Variants in GPR108 observed in about 807,000 individuals in gnomAD.
The protein encoded by GPR108 is protein GPR108.
A neutral mutation model predicts 74.3 loss-of-function variants in GPR108; 60 were observed. The ratio of observed to expected loss-of-function variants is 0.81; its 90% confidence interval spans 0.66 to 1.00. The LOEUF (loss-of-function observed/expected upper bound fraction) is 1.00. GPR108 is among the 50% of genes least tolerant of loss of function. GPR108 has a pLI of 0.00. For synonymous variants in GPR108, 311 were observed against 292.4 expected, an observed-to-expected ratio of 1.06 and a Z score of -0.65; for missense variants, 667 against 703.3, an observed-to-expected ratio of 0.95 and a Z score of 0.58.
chr19:6,734,895 T>C (rs1369255963), intron 4 of GPR108, among the ~76,000 whole-genome samples: 1 of 140,940 alleles, frequency 7.1e-6, no homozygotes, highest in East Asian at 2.1e-4. Context: ...ATTATTATTA[T>C]TTTGAGACAG....
chr19:6,735,359 C>T (rs983070283), intron 4 of GPR108: 9 of 413,162 alleles, frequency 2.2e-5, no homozygotes, highest in Middle Eastern at 6.5e-4. Flanking sequence ...TCCGGGACAC[C>T]GGAAGCACTC....
intron 1 of GPR108, chr19:6,737,133 C>A: frequency 2.5e-6 from 1 of 402,596 alleles, no homozygotes; most frequent in Non-Finnish European, 4.5e-6. Context: ...CTGTGCGGCT[C>A]CAGGGTCTCT....
rs750699748 is a variant in GPR108 at position 6,734,297 on chromosome 19, G to C, written c.385C>G (p.Arg129Gly). The stretch of plus-strand genomic sequence containing the variant: ...AACGTCTTCTGCTCTCCATACTTCC[G>C]CACCTGGACCCTGGGGTGAGGGTGG... ...INTKDLQVQV[R>G]KYGEQKTLFI... Residue 129 changes from arginine (R) to glycine (G), a missense_variant, in exon 5 of 18, where the codon CGG becomes GGG. Coordinates refer to ENST00000264080, the MANE Select transcript of GPR108 (RefSeq NM_001080452.2). 11 of 1,613,130 alleles carry C rather than the reference G, an allele frequency of 6.8e-6. No homozygotes were observed. The highest frequency in any genetic ancestry group is 9.3e-6 in the Non-Finnish European group (11 of 1,179,794).
chr19:6,733,663 C>G lies in GPR108; in HGVS notation c.630G>C (p.Val210=), dbSNP rs1243764318. The change falls in exon 8 of 18, where the codon GTG becomes GTC. Residue 210 remains valine (V), a synonymous_variant. Transcript: ENST00000264080. Reference sequence around the variant, plus strand: ...GGCCTTCTTCCGCCTGAGAGCCGATCACCACGTGGAACTGGGCGGGCGGGG... The same window carrying G: ...GGCCTTCTTCCGCCTGAGAGCCGATGACCACGTGGAACTGGGCGGGCGGGG... ...NNSYNFSFHV[V]IGSQAEEGQY... The G allele has an allele frequency of 1.2e-6, 2 of 1,613,974 alleles. No individual in the cohort carries two copies. Among genetic ancestry groups the G allele is most frequent in the Non-Finnish European group, 1.7e-6 (2 of 1,179,976 alleles).
At position 6,736,691 on chromosome 19, in the gene GPR108, G is replaced by A. The variant is rs373132867; in HGVS notation, c.141C>T (p.Ile47=). ...LALTGEKRAD[I]QLNSFGFYTN... ...TGTAGAAACCGAAGCTGTTCAGCTGGATGTCCGCTCGCTTCTCCCCCTGCC... is the reference window on the plus strand; with the variant it reads ...TGTAGAAACCGAAGCTGTTCAGCTGAATGTCCGCTCGCTTCTCCCCCTGCC... Residue 47 remains isoleucine (I), a synonymous_variant, in exon 2 of 18, where the codon ATC becomes ATT. Coordinates refer to ENST00000264080, the MANE Select transcript of GPR108 (RefSeq NM_001080452.2). 2.5e-6 allele frequency: 4 copies of A among 1,614,070 alleles called. No individual in the cohort carries two copies. The highest frequency in any genetic ancestry group is 3.4e-6 in the Non-Finnish European group (4 of 1,180,004).
At chr19:6,737,324 C>T (rs1418628133) in intron 1 of GPR108, 133 bp downstream of exon 1, 8 of 1,209,284 alleles carry the variant, frequency 6.6e-6, no homozygotes, top group Non-Finnish European at 8.8e-6. Flanking sequence ...ACTCCGGGCC[C>T]GGAAACGGGG....
At position 6,733,239 on chromosome 19, in the gene GPR108, CT is replaced by C; in HGVS notation, c.785del (p.Lys262SerfsTer76). The C allele has an allele frequency of 6.2e-7, 1 of 1,613,984 alleles. No individual in the cohort carries two copies. The highest frequency in any genetic ancestry group is 8.5e-7 in the Non-Finnish European group (1 of 1,180,020). ...AGCAGGCGGACATGACCATGTAGAG[CT>C]TGAAAAGGGGCATCTCCGCTGCCGA... is the stretch of plus-strand genomic sequence containing the variant. Reference protein sequence around the residue: ...FLSAAEMPLFKLYMVMSACFL... With the variant: ...FLSAAEMPLFXLYMVMSACFL... On this transcript the variant is annotated frameshift_variant, in exon 9 of 18. Transcript: ENST00000264080. LOFTEE classifies it high-confidence loss of function.
intron 1 of GPR108, chr19:6,737,065 C>G (rs187223810): frequency 1.0e-5 from 4 of 383,468 alleles, no homozygotes; most frequent in Admixed American, 4.1e-5. Context: ...TTCAACAGAA[C>G]CCCCCAAATC....
In GPR108 at chr19:6,730,164, A is replaced by G. The variant is rs1265264820; in HGVS notation, c.*148T>C. On this transcript the variant is annotated 3_prime_UTR_variant, in exon 18 of 18. Transcript: ENST00000264080. ...GGGGGAGGAAGGGACTCTTCTTCCAAATGGGCTTGTCCGGGAACCGGGGTC... is the reference window on the plus strand; with the variant it reads ...GGGGGAGGAAGGGACTCTTCTTCCAGATGGGCTTGTCCGGGAACCGGGGTC... The G allele has an allele frequency of 1.4e-6, 1 of 722,366 alleles. No individual in the cohort carries two copies. Among genetic ancestry groups the G allele is most frequent in the Admixed American group, 2.3e-5 (1 of 43,050 alleles). 44.7% of individuals were successfully genotyped at this position (722,366 alleles called of 1,614,324 possible). A position where few individuals can be genotyped will look rare whatever the true frequency, so the allele number is the denominator to read the frequency against.
chr19:6,733,570 C>T lies in GPR108; in HGVS notation c.723G>A (p.Thr241=), dbSNP rs199564830. 13 of 1,613,770 alleles carry T rather than the reference C, an allele frequency of 8.1e-6. No individual in the cohort carries two copies. The highest frequency in any genetic ancestry group is 4.0e-5 in the African/African-American group (3 of 75,068). The change falls in exon 8 of 18, where the codon ACG becomes ACA. Residue 241 remains threonine (T), a splice_region_variant and synonymous_variant. Coordinates refer to ENST00000264080, the MANE Select transcript of GPR108 (RefSeq NM_001080452.2). ...CCCTGCTGCCCTCCACTCCGCTCAC[C>T]GTGATGTCGAATGGATGCTCCTTTC... ...VPGKEHPFDI[T]VMIREKNPDG... is the part of the protein sequence containing the mutation.
At chr19:6,730,783 A>G (rs1968361887) in intron 17 of GPR108, among the ~76,000 whole-genome samples, 1 of 131,870 alleles carries the variant, frequency 7.6e-6, no homozygotes, top group Admixed American at 8.6e-5. Context: ...GGCCTTAGGT[A>G]CTCCACAGCT....
At chr19:6,731,144 G>GCACCCC in intron 16 of GPR108, 33 bp from the exon 17 acceptor site, 1 of 1,610,086 alleles carries the variant, frequency 6.2e-7, no homozygotes, top group Non-Finnish European at 8.5e-7. Flanking sequence ...GGCGTCAGGC[G>GCACCCC]CACCCCCACC....
Position 6,734,230 on chromosome 19 carries a change from G to C in GPR108, c.452C>G (p.Pro151Arg). 1 of 1,614,216 alleles carries C rather than the reference G, an allele frequency of 6.2e-7. No individual in the cohort carries two copies. Among genetic ancestry groups the C allele is most frequent in the Non-Finnish European group, 8.5e-7 (1 of 1,180,038 alleles). The change falls in exon 5 of 18, where the codon CCA becomes CGA. Residue 151 changes from proline to arginine, a missense_variant. Transcript: ENST00000264080. Reference protein sequence around the residue: ...PGLLPEAPSKPGLPKPQATVP... With the variant: ...PGLLPEAPSKRGLPKPQATVP... ...TGTGGCCTGTGGCTTCGGGAGCCCT[G>C]GTTTGGAGGGTGCTTCCGGGAGGAG...
Position 6,737,542 on chromosome 19 carries a change from C to T in GPR108, c.35G>A (p.Gly12Glu). ...CCGCTGCCCCCACTCCGCGGGGCTC[C>T]CGCGGCCGAGCCCCCTCCTCTCGCT... ...AVSERRGLGR[G>E]SPAEWGQRLL... The change falls in exon 1 of 18, where the codon GGG (glycine) becomes GAG (glutamate). Residue 12 changes from glycine (G) to glutamate (E), a missense_variant. By Grantham distance (98) the Gly-to-Glu change is moderately conservative. Transcript: ENST00000264080. 1 of 1,548,676 alleles carries T rather than the reference C, an allele frequency of 6.5e-7. No homozygotes were observed. Among genetic ancestry groups the T allele is most frequent in the Non-Finnish European group, 8.7e-7 (1 of 1,154,880 alleles).
Position 6,732,455 on chromosome 19 carries a change from AG to A in GPR108, c.1007+20del. On this transcript the variant is annotated intron_variant, in intron 11 of 17. Transcript: ENST00000264080. ...CCTGCCTGCCTCCCCCCAGCTGCCC[AG>A]CAGAGTGGGGGACACTCACAGGTGT... 1.2e-6 allele frequency: 2 copies of A among 1,612,356 alleles called. No individual in the cohort carries two copies. Among genetic ancestry groups the A allele is most frequent in the Non-Finnish European group, 8.5e-7 (1 of 1,178,682 alleles).
At position 6,733,563 on chromosome 19, in the gene GPR108, C is replaced by T. The variant is rs200324568; in HGVS notation, c.723+7G>A. The stretch of plus-strand genomic sequence containing the variant: ...TCCCTGGCCCTGCTGCCCTCCACTC[C>T]GCTCACCGTGATGTCGAATGGATGC... On this transcript the variant is annotated splice_region_variant and intron_variant, in intron 8 of 17. Coordinates refer to ENST00000264080, the MANE Select transcript of GPR108 (RefSeq NM_001080452.2). The T allele has an allele frequency of 9.1e-5, 147 of 1,613,032 alleles. 2 individuals are homozygous for T. The highest frequency in any genetic ancestry group is 6.2e-4 in the East Asian group (28 of 44,882).
intron 3 of GPR108, 22 bp from the exon 4 acceptor site, chr19:6,735,726 G>T (rs1342250845): frequency 2.5e-6 from 4 of 1,608,066 alleles, no homozygotes; most frequent in South Asian, 2.2e-5. Context: ...GCAGGAGGGA[G>T]TGAGTCTTGG....
chr19:6,730,288 C>T lies in GPR108; in HGVS notation c.*24G>A, dbSNP rs1968335527. The T allele has an allele frequency of 6.2e-7, 1 of 1,606,838 alleles. No homozygotes were observed. Among genetic ancestry groups the T allele is most frequent in the Non-Finnish European group, 8.5e-7 (1 of 1,173,496 alleles). ...TGAGAAATGCTGGGGGAGGACGACC[C>T]TTTGGTCTGAGATGTGGAGGTGATC... On this transcript the variant is annotated 3_prime_UTR_variant, in exon 18 of 18. Transcript: ENST00000264080.
intron 1 of GPR108, chr19:6,736,953 C>A: frequency 1.8e-6 from 1 of 546,434 alleles, no homozygotes; most frequent in Non-Finnish European, 3.2e-6. Context: ...GAAGTCTCCC[C>A]ACTGGGGTGA....
Sources: allele counts gnomAD v4.1 joint callset (sites outside exome capture counted in the v4.1 genomes callset), GRCh38; gene constraint gnomAD v4.1.1; transcripts MANE v1.5; gene names NCBI Gene and HGNC (gene_info 2026-07-23, HGNC 2026-07-21).